MUC6: variants seen among roughly 807,000 people sequenced by gnomAD.
MUC6 encodes mucin 6, oligomeric mucus/gel-forming (gene/pseudogene).
A neutral mutation model predicts 201.5 loss-of-function variants in MUC6; 188 were observed. The ratio of observed to expected loss-of-function variants is 0.93; its 90% CI spans 0.83 to 1.05. The LOEUF is 1.05. MUC6 is among the 50% of genes least tolerant of loss of function. The pLI, the probability that MUC6 is intolerant of heterozygous loss-of-function variation, is 0.00. For missense variants in MUC6, 2,706 were observed against 3,256.9 expected, an observed-to-expected ratio of 0.83 and a Z score of 4.12; for synonymous variants, 1,228 against 1,389.4, an observed-to-expected ratio of 0.88 and a Z score of 2.58.
intron 2 of MUC6, 55 bp downstream of exon 2, chr11:1,032,958 G>C: frequency 6.6e-7 from 1 of 1,510,984 alleles, no homozygotes; most frequent in Admixed American, 2.0e-5. Context: ...CCTCTCTCCT[G>C]CACACCGGGC....
intron 26 of MUC6, among the ~76,000 whole-genome samples, chr11:1,023,238 G>A (rs563184585): frequency 3.3e-5 from 5 of 151,872 alleles, no homozygotes; most frequent in Admixed American, 3.3e-4. Flanking sequence ...CTGCGTGAAT[G>A]AATGTGTGAA....
rs780875327 is a variant in MUC6 at position 1,016,392 on chromosome 11, C to A, written c.6409G>T (p.Ala2137Ser). Reference sequence around the variant, plus strand: ...ACATAAGAAGAAACAGTAGAGGGGGCAGAAGGACTGGGAGAAAATGAGGAG... The same window carrying A: ...ACATAAGAAGAAACAGTAGAGGGGGAAGAAGGACTGGGAGAAAATGAGGAG... ...LSSSFSPSPS[A>S]PSTVSSYVPS... The change falls in exon 31 of 33, where the codon GCC becomes TCC. Residue 2137 changes from alanine (A) to serine (S), a missense_variant. By Grantham distance (99) the Ala-to-Ser change is moderately conservative (BLOSUM62 1). Coordinates refer to ENST00000421673, the MANE Select transcript of MUC6 (RefSeq NM_005961.3). The A allele has an allele frequency of 6.8e-6, 11 of 1,612,924 alleles. No homozygotes were observed. The highest frequency in any genetic ancestry group is 9.3e-6 in the Non-Finnish European group (11 of 1,179,490).
At chr11:1,015,631 T>G in intron 31 of MUC6, 131 bp downstream of exon 31, 2 of 1,387,128 alleles carry the variant, frequency 1.4e-6, no homozygotes, top group Non-Finnish European at 1.9e-6. Flanking sequence ...GGCAGGTGTG[T>G]AGGGAAGGCA....
intron 1 of MUC6, among the ~76,000 whole-genome samples, chr11:1,034,053 A>G (rs564229574): frequency 6.6e-6 from 1 of 151,862 alleles, no homozygotes; most frequent in South Asian, 2.1e-4. Context: ...TGCTGCCCCC[A>G]TTACCGCTGG....
Position 1,031,676 on chromosome 11 carries a change from G to A in MUC6, c.414C>T (p.Ser138=), listed in dbSNP as rs1006868377. ...NGLQITPFGQ[S]VRLVAKQLEL... The stretch of plus-strand genomic sequence containing the variant: ...CCAGCTGCTTGGCCACCAGCCGCAC[G>A]CTCTGGCCGAAGGGTGTGATCTGGA... Residue 138 remains serine, a synonymous_variant, in exon 4 of 33, where the codon AGC becomes AGT. Transcript: ENST00000421673. 2.6e-6 allele frequency: 4 copies of A among 1,550,858 alleles called. No homozygotes were observed. The highest frequency in any genetic ancestry group is 2.4e-5 in the East Asian group (1 of 40,912).
chr11:1,013,682 A>T, intron 32 of MUC6, 49 bp from the exon 33 acceptor site: 2 of 1,519,300 alleles, frequency 1.3e-6, no homozygotes, highest in Middle Eastern at 1.9e-4. Flanking sequence ...GCAGGGGCAT[A>T]AGGCCCCTCC....
chr11:1,018,734 G>C lies in MUC6; in HGVS notation c.4067C>G (p.Ala1356Gly). The C allele has an allele frequency of 6.3e-7, 1 of 1,580,844 alleles. No individual in the cohort carries two copies. The highest frequency in any genetic ancestry group is 8.6e-7 in the Non-Finnish European group (1 of 1,166,384). ...TGGACGTGGGCCTGTCGTCTGGGTG[G>C]CCGTTGTTCCTGGCAGTTCCTGATT... ...STNQELPGTT[A>G]TQTTGPRPTP... Residue 1356 changes from alanine (A) to glycine (G), a missense_variant, in exon 31 of 33, where the codon GCC becomes GGC. By Grantham distance (60) the Ala-to-Gly change is moderately conservative. This residue lies in a region of MUC6 where 1,850 missense variants were observed against 1,958.3 expected (regional missense o/e 0.94). Transcript: ENST00000421673.
chr11:1,020,438 CG>C (rs1462620629), intron 28 of MUC6, among the ~76,000 whole-genome samples, 181 bp from the exon 29 acceptor site: 9 of 152,142 alleles, frequency 5.9e-5, no homozygotes, highest in African/African-American at 2.2e-4. Context: ...TCCTGCATGG[CG>C]GGGGTCACCT....
intron 22 of MUC6, 48 bp from the exon 23 acceptor site, chr11:1,025,415 C>T (rs775918564): frequency 2.5e-6 from 4 of 1,577,454 alleles, no homozygotes; most frequent in Non-Finnish European, 3.4e-6. Context: ...TCCCCCGGCC[C>T]CTGGCACAGC....
rs1288390236 is a variant in MUC6 at position 1,027,352 on chromosome 11, A to G, written c.2147T>C (p.Val716Ala). Residue 716 changes from valine (V) to alanine (A), a missense_variant, in exon 17 of 33, where the codon GTG (valine) becomes GCG (alanine). Around this residue, in one of 10 missense-constraint regions of MUC6, gnomAD observed 1,850 missense variants for 1,958.3 expected, o/e 0.94. Transcript: ENST00000421673. ...GTYLNQKGEC[V>A]RKAQCPCILE... ...TATGCACGGGCACTGGGCCTTGCGC[A>G]CACACTCGCCCTTTTGGTTCAGGTA... The G allele has an allele frequency of 1.2e-6, 2 of 1,612,856 alleles. No individual in the cohort carries two copies. Among genetic ancestry groups the G allele is most frequent in the African/African-American group, 1.3e-5 (1 of 74,910 alleles).
chr11:1,019,131 G>C, intron 30 of MUC6, 144 bp downstream of exon 30: 2 of 1,035,464 alleles, frequency 1.9e-6, no homozygotes, highest in East Asian at 2.6e-5. Context: ...CTTGCCTCCA[G>C]CTCCAGCCTA....
intron 1 of MUC6, among the ~76,000 whole-genome samples, chr11:1,035,691 G>T (rs957542288): frequency 2.6e-5 from 4 of 152,076 alleles, no homozygotes; most frequent in African/African-American, 7.3e-5. Context: ...ACCCCTGGGG[G>T]GGTCCCACTG....
At chr11:1,032,530 G>A (rs529502284) in intron 2 of MUC6, among the ~76,000 whole-genome samples, 28 of 151,438 alleles carry the variant, frequency 1.8e-4, no homozygotes, top group Admixed American at 5.9e-4. Context: ...TGTTGGGTGC[G>A]TGTCTCAGGT....
chr11:1,019,378 C>A lies in MUC6; in HGVS notation c.3927G>T (p.Thr1309=). 1 of 1,613,642 alleles carries A rather than the reference C, an allele frequency of 6.2e-7. No homozygotes were observed. Among genetic ancestry groups the A allele is most frequent in the South Asian group, 1.1e-5 (1 of 91,072 alleles). Residue 1309 remains threonine (T), a synonymous_variant, in exon 30 of 33, where the codon ACG becomes ACT. Transcript: ENST00000421673. The part of the protein sequence containing the change: ...PTVTQATTRA[T]ASTASPATTS... ...TCGTGGCTGGGCTGGCGGTCGACGC[C>A]GTGGCCCTGGTTGTGGCCTGGGTCA...
intron 1 of MUC6, 86 bp downstream of exon 1, chr11:1,036,518 T>C: frequency 6.9e-7 from 1 of 1,446,610 alleles, no homozygotes; most frequent in South Asian, 1.3e-5. Context: ...CCAGCCGAGT[T>C]GTCGAGGCGA....
intron 30 of MUC6, among the ~76,000 whole-genome samples, chr11:1,019,068 C>T (rs942187730): frequency 1.1e-4 from 16 of 152,226 alleles, no homozygotes; most frequent in Admixed American, 1.0e-3. Flanking sequence ...TGGCCCCCAC[C>T]CTCCTGCACC....
At chr11:1,024,596 ACTGT>A in intron 24 of MUC6, among the ~76,000 whole-genome samples, 1 of 152,274 alleles carries the variant, frequency 6.6e-6, no homozygotes, top group Middle Eastern at 3.4e-3. Context: ...GACTCGTGGC[ACTGT>A]CTGGGGGTGC....
chr11:1,032,407 T>C (rs1564845755), intron 2 of MUC6, among the ~76,000 whole-genome samples: 1 of 151,864 alleles, frequency 6.6e-6, no homozygotes, highest in Non-Finnish European at 1.5e-5. Context: ...GTGTGAGATA[T>C]ACACCTGCAT....
chr11:1,029,961 G>C (rs180973649), intron 8 of MUC6, among the ~76,000 whole-genome samples: 2 of 152,214 alleles, frequency 1.3e-5, no homozygotes, highest in South Asian at 4.1e-4. Context: ...GCCTTCCCTC[G>C]GCAGCTCCTA....
Sources: allele counts gnomAD v4.1 joint callset (sites outside exome capture counted in the v4.1 genomes callset), GRCh38; gene constraint gnomAD v4.1.1; regional missense constraint gnomAD v4.1.1; transcripts MANE v1.5; gene names NCBI Gene and HGNC (gene_info 2026-07-23, HGNC 2026-07-21).